HERC2: variants seen among roughly 807,000 people sequenced by gnomAD.
HERC2 encodes the protein E3 ubiquitin-protein ligase HERC2.
HERC2 carries 102 observed loss-of-function variants against 537.7 expected under a neutral mutation model. That is an observed-to-expected ratio of 0.19 (90% CI 0.16 to 0.22). HERC2 has a LOEUF of 0.22. Among genes scored for constraint, HERC2 ranks in the 10% least tolerant of loss-of-function variants. The pLI is 1.00. For missense variants in HERC2, 4,236 were observed against 6,198.2 expected (o/e 0.68, Z 10.63); for synonymous variants, 2,224 against 2,466.2 (o/e 0.90, Z 2.91).
chr15:28,292,910 G>C lies in HERC2; in HGVS notation c.300C>G (p.Ser100Arg). The C allele has an allele frequency of 1.2e-6, 2 of 1,610,578 alleles. No individual in the cohort carries two copies. Among genetic ancestry groups the C allele is most frequent in the Non-Finnish European group, 1.7e-6 (2 of 1,179,638 alleles). The change falls in exon 4 of 93, where the codon AGC becomes AGG. Residue 100 changes from serine to arginine, a missense_variant. By Grantham distance (110) the Ser-to-Arg change is moderately radical (BLOSUM62 -1). Coordinates refer to ENST00000261609, the MANE Select transcript of HERC2 (RefSeq NM_004667.6). ...TACCTGGTTGCTTGCCCCATACCCAGCTGTCCAGAATTGACTTGGCCCTAT... is the reference window on the plus strand; with the variant it reads ...TACCTGGTTGCTTGCCCCATACCCACCTGTCCAGAATTGACTTGGCCCTAT... ...PIYRAKSILD[S>R]WVWGKQPDVN...
At position 28,163,172 on chromosome 15, in the gene HERC2, T is replaced by C. The variant is rs2142443797; in HGVS notation, c.10668A>G (p.Ser3556=). The C allele has an allele frequency of 1.2e-6, 2 of 1,613,668 alleles. No homozygotes were observed. Among genetic ancestry groups the C allele is most frequent in the Non-Finnish European group, 1.7e-6 (2 of 1,180,014 alleles). ...TRVVVDLLKL[S]VCSRAGDRGR... ...CCCTGTCCCCGGCCCGGCTGCACACTGACAGCTTGAGCAGGTCTACCACCA... is the reference window on the plus strand; with the variant it reads ...CCCTGTCCCCGGCCCGGCTGCACACCGACAGCTTGAGCAGGTCTACCACCA... The change falls in exon 69 of 93, where the codon TCA becomes TCG. Residue 3556 remains serine (S), a synonymous_variant. Coordinates refer to ENST00000261609, the MANE Select transcript of HERC2 (RefSeq NM_004667.6).
In HERC2 at chr15:28,192,167, C is replaced by T; in HGVS notation, c.8261-16G>A. 1 of 1,600,510 alleles carries T rather than the reference C, an allele frequency of 6.2e-7. No homozygotes were observed. Among genetic ancestry groups the T allele is most frequent in the South Asian group, 1.1e-5 (1 of 90,424 alleles). ...GCAGACTGACCTATTTCGTGATAGT[C>T]AAAAAGAGAATTAACCCTTGCTGAA... On this transcript the variant is annotated splice_polypyrimidine_tract_variant and intron_variant, in intron 52 of 92. Transcript: ENST00000261609.
chr15:28,160,920 C>A (rs1893531397), intron 69 of HERC2, among the ~76,000 whole-genome samples: 1 of 152,130 alleles, frequency 6.6e-6, no homozygotes. Flanking sequence ...TCATTCATAC[C>A]CTTCCCTCTC....
In HERC2 at chr15:28,295,694, G is replaced by A. The variant is rs544813381; in HGVS notation, c.188-2672C>T. On this transcript the variant is annotated intron_variant, in intron 3 of 92. Transcript: ENST00000261609. ...ATTACAGGTGTGAGCCACCACGCCCGGCCACCGTATTTTATAGTTTTTAAT... is the reference window on the plus strand; with the variant it reads ...ATTACAGGTGTGAGCCACCACGCCCAGCCACCGTATTTTATAGTTTTTAAT... Among the ~76,000 whole-genome samples the A allele has an allele frequency of 1.1e-3, 165 of 152,234 alleles. 1 individual carries two copies. The highest frequency in any genetic ancestry group is 3.1e-3 in the African/African-American group (130 of 41,542).
rs148250469 is a variant in HERC2, at chr15:28,128,138, C to T, written c.12802+2025G>A. ...AACAGAAGAATGTGCTACAAAATAA[C>T]TGGTGTCAAGTTGCAAGAAGCCCAG... On this transcript the variant is annotated intron_variant, in intron 83 of 92. Transcript: ENST00000261609. Among the ~76,000 whole-genome samples, 24 of 152,278 alleles carry T rather than the reference C, an allele frequency of 1.6e-4. No homozygotes were observed. In the East Asian group the frequency reaches 4.4e-3, roughly 28 times the overall value.
rs200605180 is a variant in HERC2 at position 28,213,948 on chromosome 15, C to A, written c.6580G>T (p.Asp2194Tyr). Residue 2194 changes from aspartate (D) to tyrosine (Y), a missense_variant, in exon 42 of 93, where the codon GAC becomes TAC. Coordinates refer to ENST00000261609, the MANE Select transcript of HERC2 (RefSeq NM_004667.6). ...CCCCCCACTTCAGGGTTCTCGGAGT[C>A]GGGGAAGTAGTCCTCTAACTGGGCC... is the stretch of plus-strand genomic sequence containing the variant. Reference protein sequence around the residue: ...EGAQLEDYFPDSENPEVGGLM... With the variant: ...EGAQLEDYFPYSENPEVGGLM... 22 of 1,613,826 alleles carry A rather than the reference C, an allele frequency of 1.4e-5. No individual in the cohort carries two copies. The highest frequency in any genetic ancestry group is 1.9e-5 in the Non-Finnish European group (22 of 1,179,932).
rs1333054245 is a variant in HERC2, at chr15:28,268,070, A to G, written c.1598+395T>C. Among the ~76,000 whole-genome samples the G allele has an allele frequency of 6.6e-6, 1 of 152,220 alleles. No individual in the cohort carries two copies. The highest frequency in any genetic ancestry group is 1.5e-5 in the Non-Finnish European group (1 of 68,040). On this transcript the variant is annotated intron_variant, in intron 12 of 92. Coordinates refer to ENST00000261609, the MANE Select transcript of HERC2 (RefSeq NM_004667.6). The surrounding 1 kb of genome is among the most constrained non-coding windows in gnomAD (Gnocchi z 4.7). ...GGATAATATTAGGAAGAAACTGCTGACTTTTGTTCCTGTAAAAATAATATA... is the reference window on the plus strand; with the variant it reads ...GGATAATATTAGGAAGAAACTGCTGGCTTTTGTTCCTGTAAAAATAATATA...
At chr15:28,273,405 A>T (rs559770461) in intron 7 of HERC2, among the ~76,000 whole-genome samples, 238 of 152,384 alleles carry the variant, frequency 1.6e-3, no homozygotes, top group African/African-American at 5.4e-3. Flanking sequence ...CCACCTTAGA[A>T]TCTGGAGGCA....
chr15:28,286,042 G>GA (rs1355318999), intron 4 of HERC2, among the ~76,000 whole-genome samples: 40 of 151,224 alleles, frequency 2.6e-4, no homozygotes, highest in Non-Finnish European at 1.9e-4. Context: ...CAAAGAATCC[G>GA]AAAAAAAAGA....
intron 15 of HERC2, among the ~76,000 whole-genome samples, chr15:28,262,309 C>T (rs1288455477): frequency 3.9e-5 from 6 of 152,176 alleles, no homozygotes; most frequent in Admixed American, 3.3e-4. Flanking sequence ...AGTAAGAACA[C>T]CACAGAAGAA....
At position 28,238,756 on chromosome 15, in the gene HERC2, A is replaced by G. The variant is rs754811033; in HGVS notation, c.3594T>C (p.Gly1198=). 2 of 1,610,832 alleles carry G rather than the reference A, an allele frequency of 1.2e-6. No homozygotes were observed. The highest frequency in any genetic ancestry group is 1.7e-6 in the Non-Finnish European group (2 of 1,178,864). The change falls in exon 24 of 93, where the codon GGT becomes GGC. Residue 1198 remains glycine, a synonymous_variant. Coordinates refer to ENST00000261609, the MANE Select transcript of HERC2 (RefSeq NM_004667.6). The part of the protein sequence containing the change: ...WPGIMESFFT[G]QNCRNNEEVT... ...CTTCCTCATTATTTCTACAGTTCTG[A>G]CCTGTAAAAAATGACTCTGTATATA...
At chr15:28,134,148 C>A (rs1355305289) in intron 79 of HERC2, among the ~76,000 whole-genome samples, 3 of 152,192 alleles carry the variant, frequency 2.0e-5, no homozygotes, top group African/African-American at 7.2e-5. Flanking sequence ...ATTATCTCAG[C>A]AATACTTTGT....
Position 28,269,252 on chromosome 15 carries a change from G to T in HERC2, c.1442C>A (p.Thr481Lys). 6.2e-7 allele frequency: 1 copy of T among 1,612,826 alleles called. No homozygotes were observed. Among genetic ancestry groups the T allele is most frequent in the Non-Finnish European group, 8.5e-7 (1 of 1,179,284 alleles). Residue 481 changes from threonine (T) to lysine (K), a missense_variant, in exon 11 of 93, where the codon ACG becomes AAG. Around this residue, in one of 27 missense-constraint regions of HERC2, gnomAD observed 491 missense variants for 559.3 expected, o/e 0.88. Transcript: ENST00000261609. The part of the protein sequence containing the change: ...RVYTQAYNSD[T>K]LAPQLVQGLA... ...CACAGTGCCCAGAACACTCACCAGC[G>T]TGTCACTATTATAGGCCTGTGTGTA... is the stretch of plus-strand genomic sequence containing the variant.
At chr15:28,192,952 G>C (rs1896989158) in intron 52 of HERC2, among the ~76,000 whole-genome samples, 1 of 151,488 alleles carries the variant, frequency 6.6e-6, no homozygotes, top group African/African-American at 2.4e-5. Context: ...CCAACAGATT[G>C]CAACTCAGCA....
chr15:28,130,293 G>A lies in HERC2; in HGVS notation c.12672C>T (p.Gly4224=), dbSNP rs913968571. 5.6e-6 allele frequency: 9 copies of A among 1,613,968 alleles called. No homozygotes were observed. Among genetic ancestry groups the A allele is most frequent in the South Asian group, 5.5e-5 (5 of 91,088 alleles). ...ATCCATGGCCCAACCTGTGATAATC[G>A]CCTTTGCCCCTGCACACAAAGGAAG... ...KSGAVYTWGK[G]DYHRLGHGSD... Residue 4224 remains glycine (G), a synonymous_variant, in exon 83 of 93, where the codon GGC becomes GGT. Transcript: ENST00000261609.
chr15:28,117,500 A>T, intron 86 of HERC2: 2 of 593,400 alleles, frequency 3.4e-6, no homozygotes, highest in Admixed American at 4.3e-5. Flanking sequence ...CCATCCTCAC[A>T]CCCTAAGCAC....
intron 10 of HERC2, among the ~76,000 whole-genome samples, 198 bp downstream of exon 10, chr15:28,270,497 C>A (rs1423120062): frequency 6.6e-6 from 1 of 152,066 alleles, no homozygotes; most frequent in Non-Finnish European, 1.5e-5. Context: ...GTTGGGTCGC[C>A]AGGCCTGTGC....
In HERC2 at chr15:28,177,220, A is replaced by G. The variant is rs1166219705; in HGVS notation, c.9255-93T>C. 1.5e-6 allele frequency: 2 copies of G among 1,330,668 alleles called. No individual in the cohort carries two copies. Among genetic ancestry groups the G allele is most frequent in the African/African-American group, 2.9e-5 (2 of 68,472 alleles). 82.4% of individuals were successfully genotyped at this position (1,330,668 alleles called of 1,614,324 possible). Reference sequence around the variant, plus strand: ...ATCTATACTGATCCACATGTAGTCAACACAGGATCCACAGATCAACTATCA... The same window carrying G: ...ATCTATACTGATCCACATGTAGTCAGCACAGGATCCACAGATCAACTATCA... On this transcript the variant is annotated intron_variant, in intron 60 of 92. Coordinates refer to ENST00000261609, the MANE Select transcript of HERC2 (RefSeq NM_004667.6). This position sits in a 1 kb window ranked among gnomAD's most constrained non-coding sequence, Gnocchi z 5.0.
intron 45 of HERC2, among the ~76,000 whole-genome samples, chr15:28,205,174 A>G (rs1183014446): frequency 6.6e-6 from 1 of 151,992 alleles, no homozygotes. Context: ...ATCAGAATCC[A>G]TGGAGACAAA....
Sources: gnomAD v4.1 joint callset for allele counts (sites outside exome capture counted in the v4.1 genomes callset) on GRCh38, gnomAD v4.1.1 for gene constraint, gnomAD v4.1.1 regional missense constraint, Gnocchi (gnomAD v3.1) non-coding constraint, MANE v1.5 for transcripts, NCBI Gene and HGNC (gene_info 2026-07-23, HGNC 2026-07-21) for gene names.